DPH6: variants seen among roughly 807,000 people sequenced by gnomAD.
The protein encoded by DPH6 is diphthamine biosynthesis 6, also known as diphthine--ammonia ligase.
In DPH6, 33 loss-of-function variants were observed where a neutral mutation model predicts 38.2. The ratio of observed to expected loss-of-function variants is 0.86; its 90% CI spans 0.65 to 1.15. The LOEUF is 1.15. Among genes scored for constraint, DPH6 ranks in the 50% most tolerant of loss-of-function variants. The probability of loss-of-function intolerance (pLI) is 0.00; values close to 1 mark genes in which losing one functional copy is unlikely to be tolerated. For synonymous variants in DPH6, 108 were observed against 103.0 expected, an observed-to-expected ratio of 1.05 and a Z score of -0.30; for missense variants, 325 against 320.0, an observed-to-expected ratio of 1.02 and a Z score of -0.12.
At chr15:35,231,763 G>A (rs942024401) in intron 3 of DPH6, among the ~76,000 whole-genome samples, 2 of 152,178 alleles carry the variant, frequency 1.3e-5, no homozygotes, top group African/African-American at 2.4e-5. Flanking sequence ...GCCTCAGGAA[G>A]TTTTTACTTA....
In DPH6 at chr15:35,450,791, A is replaced by T. The variant is rs1427002683; in HGVS notation, c.399T>A (p.Leu133=). Residue 133 remains leucine (L), a synonymous_variant, in exon 5 of 9, where the codon CTT becomes CTA. Transcript: ENST00000256538. ...RIRVENVCKR[L]NLQPLAYLWQ... ...AAAGATAAGCTAAAGGCTGGAGATT[A>T]AGCCTTTTACACCTACAAAAGAAAA... is the stretch of plus-strand genomic sequence containing the variant. 1.9e-6 allele frequency: 3 copies of T among 1,607,898 alleles called. No individual in the cohort carries two copies. The South Asian group carries it at 3.3e-5, about 18-fold the overall frequency.
chr15:35,264,421 T>C (rs1373389130), intron 3 of DPH6, among the ~76,000 whole-genome samples: 1 of 152,214 alleles, frequency 6.6e-6, no homozygotes, highest in African/African-American at 2.4e-5. Flanking sequence ...CCCAACACTT[T>C]AATATCTCTT....
chr15:35,543,761 C>A (rs773842013), intron 1 of DPH6, among the ~76,000 whole-genome samples: 1 of 152,138 alleles, frequency 6.6e-6, no homozygotes, highest in Non-Finnish European at 1.5e-5. Flanking sequence ...TTTAAAAAGT[C>A]CATTCTTCCT....
At chr15:35,166,358 C>T in the DPH6 span, among the ~76,000 whole-genome samples, 1 of 151,966 alleles carries the variant, frequency 6.6e-6, no homozygotes, top group South Asian at 2.1e-4. Context: ...CCTAGCATAA[C>T]AATGGTCAGA....
chr15:35,450,936 AT>A, intron 4 of DPH6, 133 bp from the exon 5 acceptor site: 1 of 654,762 alleles, frequency 1.5e-6, no homozygotes, highest in Non-Finnish European at 2.5e-6. Context: ...TTAAAAACAT[AT>A]TTTGCATAAT....
intron 3 of DPH6, chr15:35,299,586 C>T (rs958090929): frequency 2.4e-6 from 1 of 417,180 alleles, no homozygotes; most frequent in Non-Finnish European, 4.3e-6. Context: ...GGTCAGGTAG[C>T]GCGGGCTGCT....
intron 3 of DPH6, among the ~76,000 whole-genome samples, chr15:35,285,781 C>T (rs1303721741): frequency 2.0e-5 from 3 of 150,720 alleles, no homozygotes; most frequent in South Asian, 4.2e-4. Context: ...GAGGAAGTTA[C>T]CTGTATGTCC....
chr15:35,366,599 G>A (rs1387934387), downstream of DPH6, among the ~76,000 whole-genome samples: 1 of 151,766 alleles, frequency 6.6e-6, no homozygotes, highest in Non-Finnish European at 1.5e-5. Flanking sequence ...CTTCCCCAAA[G>A]AATCCAATAT....
At chr15:35,173,547 T>A in the DPH6 span, among the ~76,000 whole-genome samples, 28 of 48,058 alleles carry the variant, frequency 5.8e-4, no homozygotes, top group East Asian at 7.8e-3. Flanking sequence ...CTAAAATGTA[T>A]CTGCCTTTTT....
At chr15:35,401,449 T>C in intron 6 of DPH6, 1 of 774,290 alleles carries the variant, frequency 1.3e-6, no homozygotes, top group Non-Finnish European at 2.4e-6. Flanking sequence ...AAGCAGGGGC[T>C]ATGGAAGTGG....
chr15:35,152,461 C>T, the DPH6 span, among the ~76,000 whole-genome samples: 1 of 152,090 alleles, frequency 6.6e-6, no homozygotes. Context: ...AATCGATTTC[C>T]TCAGAAAAAC....
chr15:35,236,204 G>A (rs1237329148), intron 3 of DPH6, among the ~76,000 whole-genome samples: 7 of 152,146 alleles, frequency 4.6e-5, no homozygotes, highest in Non-Finnish European at 7.3e-5. Context: ...GTCCATATAA[G>A]TAGTCAAAAA....
intron 5 of DPH6, among the ~76,000 whole-genome samples, chr15:35,422,075 G>A (rs554249563): frequency 3.9e-5 from 6 of 151,980 alleles, no homozygotes; most frequent in African/African-American, 1.2e-4. Context: ...TTTTGGCTTT[G>A]AGCAAATTAA....
chr15:35,380,397 A>G (rs2052847654), intron 7 of DPH6, among the ~76,000 whole-genome samples: 1 of 152,242 alleles, frequency 6.6e-6, no homozygotes, highest in Non-Finnish European at 1.5e-5. Context: ...ATACTGTGAT[A>G]AACATATCTT....
intron 3 of DPH6, among the ~76,000 whole-genome samples, chr15:35,305,197 T>G (rs1298547876): frequency 6.6e-6 from 1 of 152,138 alleles, no homozygotes; most frequent in Non-Finnish European, 1.5e-5. Context: ...CTACTATAGA[T>G]GATGCTTCAT....
chr15:35,545,678 G>A (rs2055336860), intron 1 of DPH6, among the ~76,000 whole-genome samples: 1 of 152,064 alleles, frequency 6.6e-6, no homozygotes, highest in Non-Finnish European at 1.5e-5. Context: ...AGAAGAGGAC[G>A]AAGAAAGCGA....
chr15:35,152,570 G>A, the DPH6 span, among the ~76,000 whole-genome samples: 2 of 152,006 alleles, frequency 1.3e-5, no homozygotes, highest in Non-Finnish European at 2.9e-5. Flanking sequence ...TGCGATCTCC[G>A]TTCACTGCAA....
the DPH6 span, among the ~76,000 whole-genome samples, chr15:35,175,630 G>T: frequency 1.4e-5 from 2 of 139,910 alleles, no homozygotes; most frequent in African/African-American, 5.3e-5. Flanking sequence ...TGTTATGAAG[G>T]TACCAACACA....
intron 3 of DPH6, among the ~76,000 whole-genome samples, chr15:35,510,779 G>A (rs2054758813): frequency 6.6e-6 from 1 of 152,162 alleles, no homozygotes; most frequent in Non-Finnish European, 1.5e-5. Flanking sequence ...CTAAATTAGG[G>A]AAGCTATATG....
Sources: allele counts gnomAD v4.1 joint callset (sites outside exome capture counted in the v4.1 genomes callset), GRCh38; gene constraint gnomAD v4.1.1; transcripts MANE v1.5; gene names NCBI Gene and HGNC (gene_info 2026-07-23, HGNC 2026-07-21).